The following ST3GAL1 variants were observed in gnomAD, a reference collection of about 807,000 sequenced individuals.
ST3GAL1 encodes CMP-N-acetylneuraminate-beta-galactosamide-alpha-2,3-sialyltransferase 1.
In ST3GAL1, 16 loss-of-function variants were observed where a neutral mutation model predicts 34.1. The observed-to-expected ratio is 0.47, with a 90% CI of 0.32 to 0.71. ST3GAL1 has a LOEUF of 0.71. Among genes scored for constraint, ST3GAL1 ranks in the 30% least tolerant of loss-of-function variants. The pLI, the probability that ST3GAL1 is intolerant of heterozygous loss-of-function variation, is 0.04. For missense variants in ST3GAL1, 353 were observed against 447.4 expected (o/e 0.79, Z 1.90); for synonymous variants, 191 against 184.7 (o/e 1.03, Z -0.28).
chr8:133,464,208 G>A (rs1030638490), intron 7 of ST3GAL1, among the ~76,000 whole-genome samples: 1 of 152,184 alleles, frequency 6.6e-6, no homozygotes, highest in African/African-American at 2.4e-5. Flanking sequence ...ACTGGGAGGA[G>A]CTAATGATAA....
At chr8:133,492,629 T>C (rs1816818455) in intron 3 of ST3GAL1, among the ~76,000 whole-genome samples, 1 of 152,042 alleles carries the variant, frequency 6.6e-6, no homozygotes, top group African/African-American at 2.4e-5. Flanking sequence ...GGCTGAGGCA[T>C]GAGAATTGCT....
chr8:133,497,229 G>T (rs1346453571), intron 3 of ST3GAL1, among the ~76,000 whole-genome samples: 1 of 152,202 alleles, frequency 6.6e-6, no homozygotes, highest in African/African-American at 2.4e-5. Context: ...TTTGAATCCG[G>T]ATTCCTGCCC....
Position 133,513,304 on chromosome 8 carries a change from C to T in ST3GAL1, c.-428-14115G>A, listed in dbSNP as rs376869230. Among the ~76,000 whole-genome samples, 13 of 152,282 alleles carry T rather than the reference C, an allele frequency of 8.5e-5. No individual in the cohort carries two copies. In the East Asian group the frequency reaches 1.9e-3, roughly 23 times the overall value. On this transcript the variant is annotated intron_variant, in intron 2 of 9. Transcript: ENST00000522652. ...CTTCTCCTGAGAACTAAAGACCTACCGAGATCCAAGGAGATTCCAGTACAT... is the reference window on the plus strand; with the variant it reads ...CTTCTCCTGAGAACTAAAGACCTACTGAGATCCAAGGAGATTCCAGTACAT...
chr8:133,484,019 A>G (rs2130961217), intron 3 of ST3GAL1, among the ~76,000 whole-genome samples: 1 of 152,316 alleles, frequency 6.6e-6, no homozygotes, highest in South Asian at 2.1e-4. Context: ...GCCACCTCAC[A>G]ACCTCCGACT....
At chr8:133,569,826 T>C (rs1431188274) in intron 1 of ST3GAL1, among the ~76,000 whole-genome samples, 1 of 152,162 alleles carries the variant, frequency 6.6e-6, no homozygotes, top group Non-Finnish European at 1.5e-5. Context: ...TCTGGGCGCT[T>C]GGGCAGCGCG....
At chr8:133,547,539 C>T (rs146661938) in intron 1 of ST3GAL1, among the ~76,000 whole-genome samples, 18 of 152,272 alleles carry the variant, frequency 1.2e-4, no homozygotes, top group African/African-American at 3.9e-4. Context: ...ATTCTGCTGC[C>T]ACATTAGCAA....
In ST3GAL1 at chr8:133,469,809, G is replaced by C. The variant is rs749430129; in HGVS notation, c.307-3719C>G. ...ACGGCAGAAATGACCTCCGGGCTCT[G>C]TGATGCGACTTTCTCTAGTGCCCTG... On this transcript the variant is annotated intron_variant, in intron 5 of 9. Coordinates refer to ENST00000522652, the MANE Select transcript of ST3GAL1 (RefSeq NM_173344.3). The surrounding 1 kb of genome is among the most constrained non-coding windows in gnomAD (Gnocchi z 4.3). 1.3e-5 allele frequency among the ~76,000 whole-genome samples: 2 copies of C among 152,200 alleles called. No individual in the cohort carries two copies. The highest frequency in any genetic ancestry group is 2.9e-5 in the Non-Finnish European group (2 of 68,046).
In ST3GAL1 at chr8:133,514,239, C is replaced by T. The variant is rs149601062; in HGVS notation, c.-428-15050G>A. On this transcript the variant is annotated intron_variant, in intron 2 of 9. Coordinates refer to ENST00000522652, the MANE Select transcript of ST3GAL1 (RefSeq NM_173344.3). ...TACTCATGGGGATCTAAGATTAACA[C>T]CAATGACCCATCCCTAGTTCATTCT... Among the ~76,000 whole-genome samples the T allele has an allele frequency of 4.4e-3, 671 of 152,322 alleles. 6 individuals are homozygous for T. Among genetic ancestry groups the T allele is most frequent in the African/African-American group, 0.015 (605 of 41,568 alleles).
chr8:133,505,794 G>C (rs1293113264), intron 2 of ST3GAL1, among the ~76,000 whole-genome samples: 1 of 151,804 alleles, frequency 6.6e-6, no homozygotes, highest in African/African-American at 2.4e-5. Context: ...GTGGAGACAG[G>C]GTTTCACTAT....
At position 133,570,271 on chromosome 8, in the gene ST3GAL1, G is replaced by A. The variant is rs1237285175; in HGVS notation, c.-582+1422C>T. 6.6e-6 allele frequency: 1 copy of A among 152,306 alleles called. No individual in the cohort carries two copies. Among genetic ancestry groups the A allele is most frequent in the African/African-American group, 2.4e-5 (1 of 41,476 alleles). The allele number at this position is 152,306 out of a possible 1,614,324, so 9.4% of individuals were successfully genotyped here. The stretch of plus-strand genomic sequence containing the variant: ...TGGGGACCCGCGAGGGGGAGAAGTC[G>A]GGAGAGGCCAGGGGTGCCCGGAAAC... On this transcript the variant is annotated intron_variant, in intron 1 of 9. Transcript: ENST00000522652. This position sits in a 1 kb window ranked among gnomAD's most constrained non-coding sequence, Gnocchi z 5.6.
At chr8:133,540,185 T>C (rs1315965258) in intron 2 of ST3GAL1, among the ~76,000 whole-genome samples, 1 of 152,076 alleles carries the variant, frequency 6.6e-6, no homozygotes, top group African/African-American at 2.4e-5. Context: ...TTTCAGATAC[T>C]CCAGAGTGCT....
intron 3 of ST3GAL1, among the ~76,000 whole-genome samples, chr8:133,495,249 T>C (rs2130984998): frequency 6.6e-6 from 1 of 152,252 alleles, no homozygotes; most frequent in East Asian, 1.9e-4. Context: ...CATGACTAAC[T>C]GGCATTGCAT....
chr8:133,529,577 T>C (rs1485976118), intron 2 of ST3GAL1, among the ~76,000 whole-genome samples: 1 of 152,112 alleles, frequency 6.6e-6, no homozygotes, highest in Non-Finnish European at 1.5e-5. Flanking sequence ...TGGTGGGCTC[T>C]AGGGTAGATG....
In ST3GAL1 at chr8:133,488,870, G is replaced by GC. The variant is rs898445765; in HGVS notation, c.-374+10264_-374+10265insG. Among the ~76,000 whole-genome samples, 8 of 152,030 alleles carry GC rather than the reference G, an allele frequency of 5.3e-5. No homozygotes were observed. In the East Asian group the frequency reaches 1.2e-3, roughly 22 times the overall value. ...AGACTGCAGCGGCACTGGCAGACAG[G>GC]GGGGGCCAGGCAAGGTCTGGTGGCC... On this transcript the variant is annotated intron_variant, in intron 3 of 9. Coordinates refer to ENST00000522652, the MANE Select transcript of ST3GAL1 (RefSeq NM_173344.3).
intron 2 of ST3GAL1, among the ~76,000 whole-genome samples, chr8:133,516,529 T>C (rs75857752): frequency 0.023 from 3,479 of 152,342 alleles, 64 homozygotes; most frequent in Non-Finnish European, 0.038. Flanking sequence ...CTGAATTTTC[T>C]GGCTCCCTCC....
intron 2 of ST3GAL1, among the ~76,000 whole-genome samples, chr8:133,504,273 A>G (rs1262255509): frequency 6.6e-6 from 1 of 152,256 alleles, no homozygotes. Flanking sequence ...AGACCTGCTC[A>G]GTCATCATTC....
At chr8:133,559,032 GTT>G (rs1554620838) in intron 1 of ST3GAL1, among the ~76,000 whole-genome samples, 5 of 85,740 alleles carry the variant, frequency 5.8e-5, no homozygotes, top group Non-Finnish European at 1.2e-4. Flanking sequence ...ATAGAGTGTG[GTT>G]TTGTGTGTGT....
At chr8:133,510,166 A>G (rs1817465500) in intron 2 of ST3GAL1, among the ~76,000 whole-genome samples, 1 of 152,026 alleles carries the variant, frequency 6.6e-6, no homozygotes, top group South Asian at 2.1e-4. Flanking sequence ...ACCTGTTTTC[A>G]GGGGACTTCC....
chr8:133,525,511 G>C (rs1817942727), intron 2 of ST3GAL1, among the ~76,000 whole-genome samples: 1 of 152,172 alleles, frequency 6.6e-6, no homozygotes, highest in Non-Finnish European at 1.5e-5. Flanking sequence ...CTGTCCCTGG[G>C]TTGAAGGTGG....
Sources: gnomAD v4.1 joint callset for allele counts (sites outside exome capture counted in the v4.1 genomes callset) on GRCh38, gnomAD v4.1.1 for gene constraint, Gnocchi (gnomAD v3.1) non-coding constraint, MANE v1.5 for transcripts, NCBI Gene and HGNC (gene_info 2026-07-23, HGNC 2026-07-21) for gene names.